Variants in PTPRD observed in about 807,000 individuals in gnomAD.
PTPRD encodes the protein receptor-type tyrosine-protein phosphatase delta.
A neutral mutation model predicts 214.5 loss-of-function variants in PTPRD; 34 were observed. That is an observed-to-expected ratio of 0.16 (90% CI 0.12 to 0.21). The LOEUF (loss-of-function observed/expected upper bound fraction) is 0.21. Among genes scored for constraint, PTPRD ranks in the 10% least tolerant of loss-of-function variants. The probability of loss-of-function intolerance (pLI) is 1.00; values close to 1 mark genes in which losing one functional copy is unlikely to be tolerated. For missense variants in PTPRD, 2,545 were observed against 2,398.7 expected (o/e 1.06, Z -1.27); for synonymous variants, 1,128 against 845.7 (o/e 1.33, Z -5.79).
intron 3 of PTPRD, among the ~76,000 whole-genome samples, chr9:10,122,440 G>A (rs1360807252): frequency 6.6e-6 from 1 of 151,932 alleles, no homozygotes; most frequent in African/African-American, 2.4e-5. Flanking sequence ...GGTATCAAAG[G>A]GCTACCGTGG....
intron 5 of PTPRD, among the ~76,000 whole-genome samples, chr9:9,895,521 G>T (rs2074712159): frequency 6.6e-6 from 1 of 152,000 alleles, no homozygotes; most frequent in South Asian, 2.1e-4. Flanking sequence ...ACTGTCATGT[G>T]CACCATGATG....
chr9:10,268,836 G>T (rs1407911988), intron 3 of PTPRD, among the ~76,000 whole-genome samples: 1 of 152,172 alleles, frequency 6.6e-6, no homozygotes, highest in East Asian at 1.9e-4. Context: ...TTACAAAAGG[G>T]GTGAAGAGGG....
chr9:9,937,725 T>TG (rs2090064545), intron 5 of PTPRD, among the ~76,000 whole-genome samples: 1 of 152,144 alleles, frequency 6.6e-6, no homozygotes, highest in African/African-American at 2.4e-5. Flanking sequence ...TTTGAAACTG[T>TG]GGAAGACAGA....
Position 10,350,325 on chromosome 9 carries a change from G to C in PTPRD, c.-599-9308C>G, listed in dbSNP as rs528316603. Among the ~76,000 whole-genome samples the C allele has an allele frequency of 5.3e-5, 8 of 152,210 alleles. No individual in the cohort carries two copies. In the South Asian group the frequency reaches 6.2e-4, roughly 12 times the overall value. ...ACCAAGTCAATTTATCTTGTAAATA[G>C]TCATTCTAAACAATTCTGTTATCTA... On this transcript the variant is annotated intron_variant, in intron 2 of 45. Transcript: ENST00000381196.
At chr9:10,087,025 G>C (rs779781389) in intron 3 of PTPRD, among the ~76,000 whole-genome samples, 6 of 151,500 alleles carry the variant, frequency 4.0e-5, no homozygotes, top group Non-Finnish European at 8.9e-5. Context: ...GCTGACGATT[G>C]AACTAATCTG....
intron 11 of PTPRD, among the ~76,000 whole-genome samples, chr9:8,980,803 C>T (rs2099308733): frequency 6.6e-6 from 1 of 152,048 alleles, no homozygotes; most frequent in Admixed American, 6.6e-5. Context: ...AAGCCAATCC[C>T]TGGGGACTTA....
intron 10 of PTPRD, among the ~76,000 whole-genome samples, chr9:9,106,289 T>TATA (rs1173985850): frequency 1.7e-4 from 26 of 152,124 alleles, no homozygotes; most frequent in African/African-American, 5.8e-4. Flanking sequence ...AAATGAAGGT[T>TATA]ATAATAATAA....
chr9:8,756,862 C>T (rs2094025226), intron 11 of PTPRD, among the ~76,000 whole-genome samples: 1 of 152,054 alleles, frequency 6.6e-6, no homozygotes, highest in African/African-American at 2.4e-5. Flanking sequence ...TAAACCAGGC[C>T]AGGCGCTGTG....
chr9:9,696,511 T>A (rs2154407671), intron 7 of PTPRD, among the ~76,000 whole-genome samples: 1 of 152,266 alleles, frequency 6.6e-6, no homozygotes, highest in Non-Finnish European at 1.5e-5. Flanking sequence ...TATTTGTAAT[T>A]GTTATATCCT....
intron 3 of PTPRD, among the ~76,000 whole-genome samples, chr9:10,271,536 TTTC>T (rs1177843542): frequency 8.0e-5 from 3 of 37,514 alleles, no homozygotes; most frequent in Admixed American, 6.1e-4. Context: ...AATTGTTTCT[TTTC>T]TTTTCTTTTC....
chr9:9,662,927 T>G (rs1005671803), intron 7 of PTPRD, among the ~76,000 whole-genome samples: 4 of 151,582 alleles, frequency 2.6e-5, no homozygotes, highest in African/African-American at 9.7e-5. Context: ...TCTTAACAAT[T>G]TATGAATCTG....
At chr9:9,040,398 T>A (rs2099635955) in intron 10 of PTPRD, among the ~76,000 whole-genome samples, 1 of 152,220 alleles carries the variant, frequency 6.6e-6, no homozygotes, top group Non-Finnish European at 1.5e-5. Flanking sequence ...TGTTCTTTAG[T>A]AAACATGAAT....
chr9:10,481,896 T>G (rs1396568864), intron 2 of PTPRD, among the ~76,000 whole-genome samples: 1 of 152,062 alleles, frequency 6.6e-6, no homozygotes, highest in Non-Finnish European at 1.5e-5. Context: ...ATACAGCAAT[T>G]GAAAATTAAG....
At chr9:8,334,735 A>G (rs1328875266) in intron 43 of PTPRD, among the ~76,000 whole-genome samples, 1 of 108,384 alleles carries the variant, frequency 9.2e-6, no homozygotes, top group Non-Finnish European at 2.0e-5. Context: ...CAAAAAATCA[A>G]TGAATCCAGG....
chr9:8,955,565 T>A (rs2099126893), intron 11 of PTPRD, among the ~76,000 whole-genome samples: 1 of 152,016 alleles, frequency 6.6e-6, no homozygotes, highest in Non-Finnish European at 1.5e-5. Context: ...AAGCTTCCCT[T>A]GAGCCTTTCA....
intron 7 of PTPRD, among the ~76,000 whole-genome samples, chr9:9,681,297 A>T (rs1049014686): frequency 6.6e-6 from 1 of 151,500 alleles, no homozygotes; most frequent in African/African-American, 2.4e-5. Context: ...TGTCTCATCA[A>T]CTCTGTGATA....
chr9:10,394,156 A>C (rs1174679283), intron 2 of PTPRD, among the ~76,000 whole-genome samples: 262 of 141,616 alleles, frequency 1.9e-3, no homozygotes, highest in African/African-American at 6.8e-3. Flanking sequence ...ATCTATATAT[A>C]TAGATATATA....
intron 11 of PTPRD, among the ~76,000 whole-genome samples, chr9:8,934,263 G>C (rs2098973481): frequency 6.7e-6 from 1 of 149,882 alleles, no homozygotes; most frequent in Non-Finnish European, 1.5e-5. Context: ...ATAAAATTAA[G>C]TGAAGGCCCA....
intron 10 of PTPRD, among the ~76,000 whole-genome samples, chr9:9,088,307 G>C (rs924328826): frequency 6.6e-6 from 1 of 151,428 alleles, no homozygotes; most frequent in Non-Finnish European, 1.5e-5. Context: ...TGAAATCTGG[G>C]CCGGGTGCGG....
Sources: allele counts gnomAD v4.1 joint callset (sites outside exome capture counted in the v4.1 genomes callset), GRCh38; gene constraint gnomAD v4.1.1; transcripts MANE v1.5; gene names NCBI Gene and HGNC (gene_info 2026-07-23, HGNC 2026-07-21).